Variants in PLS1 observed in about 807,000 individuals in gnomAD.
PLS1 encodes the protein plastin 1, also known as plastin-1.
PLS1 carries 32 observed loss-of-function variants against 73.7 expected under a neutral mutation model. The ratio of observed to expected loss-of-function variants is 0.43; its 90% confidence interval spans 0.33 to 0.58. PLS1 has a LOEUF of 0.58. Ranked by LOEUF, PLS1 falls within the 20% of genes least tolerant of loss-of-function variation. The probability of loss-of-function intolerance (pLI) is 0.04; values close to 1 mark genes in which losing one functional copy is unlikely to be tolerated. For synonymous variants in PLS1, 217 were observed against 261.3 expected (o/e 0.83, Z 1.63); for missense variants, 633 against 740.5 (o/e 0.85, Z 1.68).
chr3:142,628,765 G>A (rs1191223764), intron 1 of PLS1, among the ~76,000 whole-genome samples: 1 of 152,108 alleles, frequency 6.6e-6, no homozygotes, highest in Non-Finnish European at 1.5e-5. Flanking sequence ...TAGTGAATTT[G>A]TCCTGAGACA....
chr3:142,697,367 T>C (rs1033315510), intron 11 of PLS1, among the ~76,000 whole-genome samples: 4 of 152,288 alleles, frequency 2.6e-5, no homozygotes, highest in African/African-American at 7.2e-5. Flanking sequence ...ATTCTTACTG[T>C]ACAAGTTTTA....
chr3:142,678,100 C>A lies in PLS1; in HGVS notation c.566C>A (p.Pro189Gln). 3.3e-6 allele frequency: 5 copies of A among 1,519,148 alleles called. No homozygotes were observed. The highest frequency in any genetic ancestry group is 4.5e-6 in the Non-Finnish European group (5 of 1,115,586). The allele number at this position is 1,519,148 out of a possible 1,614,324, so 94.1% of individuals were successfully genotyped here. The change falls in exon 6 of 16, where the codon CCA (proline) becomes CAA (glutamine). Residue 189 changes from proline (P) to glutamine (Q), a missense_variant. Pro to Gln is a moderately conservative substitution (Grantham distance 76). Transcript: ENST00000457734. ...ERAINKKKLT[P>Q]FTISENLNLA... is the part of the protein sequence containing the mutation. Reference sequence around the variant, plus strand: ...GCCATCAATAAGAAAAAGCTCACGCCATTCACTATTTCTGTAAGTATTTGC... The same window carrying A: ...GCCATCAATAAGAAAAAGCTCACGCAATTCACTATTTCTGTAAGTATTTGC...
intron 10 of PLS1, among the ~76,000 whole-genome samples, chr3:142,691,012 G>A (rs899823998): frequency 1.3e-5 from 2 of 151,950 alleles, no homozygotes; most frequent in Admixed American, 6.6e-5. Flanking sequence ...TATGATGTGC[G>A]GTATTCATGA....
At chr3:142,610,207 G>A (rs184038174) in intron 1 of PLS1, among the ~76,000 whole-genome samples, 99 of 152,284 alleles carry the variant, frequency 6.5e-4, no homozygotes, top group Admixed American at 1.1e-3. Flanking sequence ...AATTTAGATT[G>A]GGCAGTGCAG....
At chr3:142,682,801 C>T (rs2107885072) in intron 6 of PLS1, among the ~76,000 whole-genome samples, 1 of 152,294 alleles carries the variant, frequency 6.6e-6, no homozygotes, top group East Asian at 1.9e-4. Flanking sequence ...TAATTAAAAA[C>T]ACCTGAAGTT....
At chr3:142,646,312 G>A (rs1481796812) in intron 1 of PLS1, among the ~76,000 whole-genome samples, 2 of 152,138 alleles carry the variant, frequency 1.3e-5, no homozygotes, top group Non-Finnish European at 2.9e-5. Flanking sequence ...TGTGTTTTTT[G>A]GATAGGGAGC....
At chr3:142,680,393 C>T (rs1056079446) in intron 6 of PLS1, among the ~76,000 whole-genome samples, 12 of 152,072 alleles carry the variant, frequency 7.9e-5, no homozygotes, top group Non-Finnish European at 1.8e-4. Context: ...AATAAAAATT[C>T]AGTTGGATTT....
chr3:142,639,479 A>T (rs558198206), intron 1 of PLS1, among the ~76,000 whole-genome samples: 122 of 152,290 alleles, frequency 8.0e-4, no homozygotes, highest in Non-Finnish European at 1.4e-3. Context: ...ACCCCATTAC[A>T]CTTGAGATAA....
At chr3:142,602,933 C>T (rs986598564) in intron 1 of PLS1, among the ~76,000 whole-genome samples, 15 of 152,300 alleles carry the variant, frequency 9.8e-5, no homozygotes, top group East Asian at 3.9e-4. Context: ...GTGACTCGCC[C>T]GCCTCAGCCT....
intron 1 of PLS1, among the ~76,000 whole-genome samples, chr3:142,659,554 G>A (rs1224265443): frequency 1.3e-5 from 2 of 151,970 alleles, no homozygotes; most frequent in Non-Finnish European, 2.9e-5. Flanking sequence ...TGTTTTGGTA[G>A]GCTGATAGTC....
chr3:142,671,558 C>A (rs2037604717), intron 4 of PLS1, among the ~76,000 whole-genome samples: 1 of 151,992 alleles, frequency 6.6e-6, no homozygotes, highest in Non-Finnish European at 1.5e-5. Flanking sequence ...TTTCTGAGAT[C>A]TGAGATACCC....
intron 1 of PLS1, among the ~76,000 whole-genome samples, chr3:142,656,182 G>A (rs1228373019): frequency 3.3e-5 from 5 of 152,122 alleles, no homozygotes; most frequent in African/African-American, 9.7e-5. Flanking sequence ...GGCTGGTCTC[G>A]AACTCCTGAC....
chr3:142,679,559 A>C (rs903123170), intron 6 of PLS1, among the ~76,000 whole-genome samples: 4 of 152,038 alleles, frequency 2.6e-5, no homozygotes, highest in Non-Finnish European at 5.9e-5. Context: ...GTTTTTCTCC[A>C]GTTTGTCAAA....
At chr3:142,687,943 ATTTG>A (rs936041916) in intron 9 of PLS1, among the ~76,000 whole-genome samples, 2 of 145,166 alleles carry the variant, frequency 1.4e-5, no homozygotes, top group African/African-American at 5.0e-5. Flanking sequence ...TGTTGTCTTT[ATTTG>A]TTTGTTTTTT....
rs146606502 is a variant in PLS1 at position 142,682,702 on chromosome 3, T to C, written c.580-1304T>C. 1.2e-4 allele frequency among the ~76,000 whole-genome samples: 19 copies of C among 152,308 alleles called. No individual in the cohort carries two copies. The East Asian group carries it at 2.9e-3, about 23-fold the overall frequency. On this transcript the variant is annotated intron_variant, in intron 6 of 15. Transcript: ENST00000457734. Reference sequence around the variant, plus strand: ...TTGGAAGCAAAGAGAAAAATATTAGTGGTCATGCCTAAATCAGCAGAAGCT... The same window carrying C: ...TTGGAAGCAAAGAGAAAAATATTAGCGGTCATGCCTAAATCAGCAGAAGCT...
chr3:142,708,761 G>A (rs138827292), intron 14 of PLS1, among the ~76,000 whole-genome samples: 479 of 152,154 alleles, frequency 3.1e-3, no homozygotes, highest in Non-Finnish European at 5.1e-3. Context: ...CTAACCTAAG[G>A]GTTTTCACTA....
At chr3:142,660,129 A>G (rs560278062) in intron 1 of PLS1, among the ~76,000 whole-genome samples, 1 of 152,312 alleles carries the variant, frequency 6.6e-6, no homozygotes, top group South Asian at 2.1e-4. Flanking sequence ...GGCAGAATCT[A>G]AAACCCTTCT....
intron 12 of PLS1, among the ~76,000 whole-genome samples, chr3:142,700,864 T>G (rs2038317625): frequency 6.6e-6 from 1 of 152,200 alleles, no homozygotes. Flanking sequence ...CCCCATACTG[T>G]TCTCATTGTA....
In PLS1 at chr3:142,707,704, T is replaced by C. The variant is rs540773600; in HGVS notation, c.1629+3118T>C. 2.1e-4 allele frequency among the ~76,000 whole-genome samples: 32 copies of C among 152,340 alleles called. No individual in the cohort carries two copies. The South Asian group carries it at 6.0e-3, about 29-fold the overall frequency. ...TATTCAAAGCTTGCCCTGTGTCAGG[T>C]GCCTTGCTAGTCGCTGTGGCTACAT... On this transcript the variant is annotated intron_variant, in intron 14 of 15. Coordinates refer to ENST00000457734, the MANE Select transcript of PLS1 (RefSeq NM_001145319.2).
Sources: allele counts gnomAD v4.1 joint callset (sites outside exome capture counted in the v4.1 genomes callset), GRCh38; gene constraint gnomAD v4.1.1; transcripts MANE v1.5; gene names NCBI Gene and HGNC (gene_info 2026-07-23, HGNC 2026-07-21).